BLTP3B: variants seen among roughly 807,000 people sequenced by gnomAD.
The protein encoded by BLTP3B is bridge-like lipid transfer protein family member 3B.
At chr12:100,068,628 G>A in the BLTP3B span, among the ~76,000 whole-genome samples, 1 of 152,070 alleles carries the variant, frequency 6.6e-6, no homozygotes, top group Non-Finnish European at 1.5e-5. Flanking sequence ...AAGCTACAAT[G>A]AACTCAAATC....
chr12:100,082,815 G>A, the BLTP3B span, among the ~76,000 whole-genome samples: 1 of 152,146 alleles, frequency 6.6e-6, no homozygotes, highest in African/African-American at 2.4e-5. Context: ...CTTAAGGACT[G>A]TGCCTATAAA....
chr12:100,053,350 G>A, the BLTP3B span, among the ~76,000 whole-genome samples: 1 of 152,050 alleles, frequency 6.6e-6, no homozygotes, highest in East Asian at 2.0e-4. Flanking sequence ...GGAGGTTGCA[G>A]TGAGCTGAAA....
At chr12:100,131,131 C>G in the BLTP3B span, among the ~76,000 whole-genome samples, 3 of 151,224 alleles carry the variant, frequency 2.0e-5, no homozygotes, top group African/African-American at 7.3e-5. Context: ...GGCAACATGG[C>G]AAAATCCCAT....
the BLTP3B span, among the ~76,000 whole-genome samples, chr12:100,110,966 A>C: frequency 6.6e-6 from 1 of 152,146 alleles, no homozygotes; most frequent in African/African-American, 2.4e-5. Flanking sequence ...ATGGAGGTGA[A>C]GCATGGTTAG....
At chr12:100,116,949 G>C in the BLTP3B span, among the ~76,000 whole-genome samples, 1 of 152,132 alleles carries the variant, frequency 6.6e-6, no homozygotes, top group Non-Finnish European at 1.5e-5. Flanking sequence ...GGAGCCGTAA[G>C]AAAGAATTAC....
At chr12:100,065,035 C>T in the BLTP3B span, among the ~76,000 whole-genome samples, 10 of 152,094 alleles carry the variant, frequency 6.6e-5, no homozygotes, top group African/African-American at 2.4e-4. Flanking sequence ...GATAAGAATT[C>T]ACCTGTTGTG....
At chr12:100,132,685 G>A in the BLTP3B span, among the ~76,000 whole-genome samples, 2 of 151,900 alleles carry the variant, frequency 1.3e-5, no homozygotes, top group African/African-American at 2.4e-5. Context: ...GGTGACTCAC[G>A]CCTGTAATCC....
chr12:100,140,753 T>TATATATATAA, the BLTP3B span, among the ~76,000 whole-genome samples: 1 of 106,962 alleles, frequency 9.3e-6, no homozygotes, highest in African/African-American at 3.8e-5. Flanking sequence ...TATATATATA[T>TATATATATAA]AAAATAAAAT....
the BLTP3B span, among the ~76,000 whole-genome samples, chr12:100,054,769 C>T: frequency 6.6e-6 from 1 of 152,024 alleles, no homozygotes; most frequent in Non-Finnish European, 1.5e-5. Flanking sequence ...GTCTGGGGAG[C>T]TAGAATAGCT....
chr12:100,114,274 G>T, the BLTP3B span, among the ~76,000 whole-genome samples: 1 of 152,072 alleles, frequency 6.6e-6, no homozygotes, highest in African/African-American at 2.4e-5. Flanking sequence ...ATGGCATCTA[G>T]GCTATTCGAT....
At chr12:100,057,709 G>A in the BLTP3B span, 42 of 1,611,606 alleles carry the variant, frequency 2.6e-5, 1 homozygote, top group South Asian at 4.1e-4. Flanking sequence ...ACACAGAGAG[G>A]AGCCAGGTTG....
At chr12:100,093,863 A>G in the BLTP3B span, among the ~76,000 whole-genome samples, 4 of 152,198 alleles carry the variant, frequency 2.6e-5, no homozygotes, top group African/African-American at 9.7e-5. Context: ...TTACCAGAAA[A>G]TATCATGATC....
At chr12:100,087,005 A>G in the BLTP3B span, among the ~76,000 whole-genome samples, 4 of 152,076 alleles carry the variant, frequency 2.6e-5, no homozygotes, top group Non-Finnish European at 5.9e-5. Context: ...CTAAAAATAC[A>G]AAGATTAGCT....
chr12:100,129,571 T>C, the BLTP3B span, among the ~76,000 whole-genome samples: 71 of 152,054 alleles, frequency 4.7e-4, no homozygotes, highest in Non-Finnish European at 7.4e-4. Context: ...TCCACACAAT[T>C]AACAAAAAAC....
chr12:100,045,521 C>A, the BLTP3B span, among the ~76,000 whole-genome samples: 1 of 151,168 alleles, frequency 6.6e-6, no homozygotes, highest in Admixed American at 6.6e-5. Flanking sequence ...AACTGGCTAG[C>A]CATATGTAGA....
chr12:100,037,493 A>G, the BLTP3B span: 1 of 1,497,128 alleles, frequency 6.7e-7, no homozygotes, highest in Middle Eastern at 2.1e-4. Flanking sequence ...CTGGCTTTGA[A>G]ATAGTCACCA....
chr12:100,077,404 A>T, the BLTP3B span, among the ~76,000 whole-genome samples: 1 of 152,260 alleles, frequency 6.6e-6, no homozygotes, highest in Admixed American at 6.5e-5. Context: ...TCGAATGTAA[A>T]GTAAGTAGTA....
the BLTP3B span, among the ~76,000 whole-genome samples, chr12:100,125,397 C>T: frequency 1.3e-5 from 2 of 150,548 alleles, no homozygotes; most frequent in Admixed American, 6.6e-5. Context: ...CGACTACAAT[C>T]TCAACACTTT....
At chr12:100,097,768 A>AT in the BLTP3B span, among the ~76,000 whole-genome samples, 26 of 152,254 alleles carry the variant, frequency 1.7e-4, no homozygotes, top group Non-Finnish European at 1.5e-5. Flanking sequence ...AATGCATGAA[A>AT]TCACGTTACC....
Sources: allele counts gnomAD v4.1 joint callset (sites outside exome capture counted in the v4.1 genomes callset), GRCh38; gene constraint gnomAD v4.1.1; transcripts MANE v1.5; gene names NCBI Gene and HGNC (gene_info 2026-07-23, HGNC 2026-07-21).